ESR1: variants seen among roughly 807,000 people sequenced by gnomAD.
ESR1 encodes the protein estrogen receptor 1.
Under a neutral mutation model 52.7 loss-of-function variants are expected in ESR1, and 12 were observed. The observed-to-expected ratio is 0.23, with a 90% CI of 0.15 to 0.37. The LOEUF (loss-of-function observed/expected upper bound fraction) is 0.37. Ranked by LOEUF, ESR1 falls within the 10% of genes least tolerant of loss-of-function variation. The probability of loss-of-function intolerance (pLI) is 1.00; values close to 1 mark genes in which losing one functional copy is unlikely to be tolerated. For synonymous variants in ESR1, 305 were observed against 316.8 expected (o/e 0.96, Z 0.39); for missense variants, 584 against 779.7 (o/e 0.75, Z 2.99).
At chr6:151,695,012 A>G (rs1779228153) in intron 1 of ESR1, among the ~76,000 whole-genome samples, 3 of 152,154 alleles carry the variant, frequency 2.0e-5, no homozygotes, top group South Asian at 4.1e-4. Flanking sequence ...CAAAGCTGGA[A>G]TGTGAGTACA....
chr6:151,954,064 T>C (rs563851061), intron 4 of ESR1, among the ~76,000 whole-genome samples: 25 of 152,236 alleles, frequency 1.6e-4, no homozygotes, highest in Admixed American at 7.2e-4. Flanking sequence ...GTGAACTAAA[T>C]CCCCTGTCTC....
intron 1 of ESR1, among the ~76,000 whole-genome samples, chr6:151,683,011 C>T (rs9479097): frequency 0.043 from 6,534 of 152,170 alleles, 474 homozygotes; most frequent in African/African-American, 0.15. Context: ...TATTACTATC[C>T]GGGTGAAGCA....
chr6:151,697,088 T>C (rs1779406149), intron 1 of ESR1, among the ~76,000 whole-genome samples: 2 of 152,194 alleles, frequency 1.3e-5, no homozygotes, highest in Non-Finnish European at 2.9e-5. Flanking sequence ...GAACTTTATC[T>C]TGTAGGCATT....
intron 4 of ESR1, among the ~76,000 whole-genome samples, chr6:151,960,758 A>G (rs934441066): frequency 6.6e-6 from 1 of 152,196 alleles, no homozygotes; most frequent in African/African-American, 2.4e-5. Flanking sequence ...AAGGGGGCCA[A>G]AGATTGAGGC....
At chr6:151,850,109 C>CTATTTTATATGCATAT (rs1562474914) in intron 2 of ESR1, among the ~76,000 whole-genome samples, 1 of 40,936 alleles carries the variant, frequency 2.4e-5, no homozygotes, top group African/African-American at 9.3e-5. Context: ...TATATATATA[C>CTATTTTATATGCATAT]AAAATTATAT....
intron 5 of ESR1, among the ~76,000 whole-genome samples, chr6:152,055,901 C>T (rs1176307558): frequency 6.6e-6 from 1 of 152,158 alleles, no homozygotes; most frequent in African/African-American, 2.4e-5. Context: ...CTTTTTTAAT[C>T]TACATGGGCT....
chr6:152,075,376 A>C (rs2048658149), intron 6 of ESR1, among the ~76,000 whole-genome samples: 2 of 152,172 alleles, frequency 1.3e-5, no homozygotes, highest in Non-Finnish European at 2.9e-5. Context: ...CTGTGGCTCT[A>C]TTTTTCCAAT....
At chr6:151,714,271 T>C (rs1381452432) in intron 2 of ESR1, among the ~76,000 whole-genome samples, 1 of 152,212 alleles carries the variant, frequency 6.6e-6, no homozygotes, top group East Asian at 1.9e-4. Flanking sequence ...TGGTCAATTT[T>C]AGAATAAGTG....
chr6:151,851,720 G>C (rs949322239), intron 2 of ESR1, among the ~76,000 whole-genome samples: 13 of 152,094 alleles, frequency 8.5e-5, no homozygotes, highest in African/African-American at 3.1e-4. Context: ...TAGAGACGGG[G>C]TTTCACCATG....
chr6:151,794,320 CTAAAAGA>C lies in ESR1; in HGVS notation c.-70-13518_-70-13512del, dbSNP rs1562411402. 2.0e-5 allele frequency among the ~76,000 whole-genome samples: 3 copies of C among 152,180 alleles called. No individual in the cohort carries two copies. In the South Asian group the frequency reaches 6.2e-4, roughly 32 times the overall value. On this transcript the variant is annotated intron_variant, in intron 2 of 2. Transcript: ENST00000404742. ...TTTATCGATGACATAAATGGAAAGA[CTAAAAGA>C]TAAAGTTAAGAAAAATTCAGTGGTT...
intron 1 of ESR1, among the ~76,000 whole-genome samples, chr6:151,819,951 G>A (rs115742028): frequency 0.01 from 1,591 of 152,286 alleles, 27 homozygotes; most frequent in African/African-American, 0.037. Flanking sequence ...TGGCTTTGGT[G>A]GTAGGTGCAG....
intron 2 of ESR1, among the ~76,000 whole-genome samples, chr6:151,846,368 C>T (rs923323228): frequency 1.3e-5 from 2 of 152,126 alleles, no homozygotes; most frequent in African/African-American, 4.8e-5. Context: ...AATACCACAA[C>T]AAGTTTAAGG....
chr6:151,970,901 A>G (rs1180172898), intron 4 of ESR1, among the ~76,000 whole-genome samples: 1 of 152,182 alleles, frequency 6.6e-6, no homozygotes. Flanking sequence ...TGTCTATGAC[A>G]TTCTCCACCT....
At chr6:151,876,861 A>G (rs938151673) in intron 2 of ESR1, among the ~76,000 whole-genome samples, 2 of 152,006 alleles carry the variant, frequency 1.3e-5, no homozygotes, top group Non-Finnish European at 2.9e-5. Context: ...CTTCACCTGA[A>G]CATCACATCG....
intron 1 of ESR1, among the ~76,000 whole-genome samples, chr6:151,671,200 TA>T (rs1417251303): frequency 6.6e-6 from 1 of 152,076 alleles, no homozygotes; most frequent in African/African-American, 2.4e-5. Flanking sequence ...TCAATGGAAA[TA>T]AAATCAGTGT....
chr6:151,721,773 C>T (rs892702323), intron 2 of ESR1, among the ~76,000 whole-genome samples: 3 of 152,216 alleles, frequency 2.0e-5, no homozygotes, highest in Non-Finnish European at 4.4e-5. Flanking sequence ...AATTGGTTTA[C>T]AGTTGTGACC....
intron 2 of ESR1, among the ~76,000 whole-genome samples, chr6:151,860,686 A>G (rs1399754780): frequency 1.3e-5 from 2 of 152,224 alleles, no homozygotes; most frequent in African/African-American, 4.8e-5. Flanking sequence ...TGGACACAAA[A>G]AGAAACATGC....
intron 2 of ESR1, among the ~76,000 whole-genome samples, chr6:151,776,255 C>A (rs531822692): frequency 5.3e-5 from 8 of 152,116 alleles, no homozygotes; most frequent in African/African-American, 1.9e-4. Context: ...GGCTCGAGTC[C>A]GAAACCACAG....
intron 6 of ESR1, among the ~76,000 whole-genome samples, chr6:152,115,191 G>A (rs1019344728): frequency 1.8e-4 from 27 of 151,952 alleles, no homozygotes; most frequent in African/African-American, 6.3e-4. Flanking sequence ...TCTATATCTT[G>A]TTTTTATAAA....
Sources: gnomAD v4.1 joint callset for allele counts (sites outside exome capture counted in the v4.1 genomes callset) on GRCh38, gnomAD v4.1.1 for gene constraint, MANE v1.5 for transcripts, NCBI Gene and HGNC (gene_info 2026-07-23, HGNC 2026-07-21) for gene names.